SYNPR: variants seen among roughly 807,000 people sequenced by gnomAD.
SYNPR encodes synaptoporin.
A neutral mutation model predicts 32.9 loss-of-function variants in SYNPR; 23 were observed. The observed-to-expected ratio is 0.70, with a 90% CI of 0.50 to 0.99. The LOEUF (loss-of-function observed/expected upper bound fraction) is 0.99, where lower values mean the gene tolerates loss of function less well. SYNPR is among the 50% of genes least tolerant of loss of function. The pLI, the probability that SYNPR is intolerant of heterozygous loss-of-function variation, is 0.00. For synonymous variants in SYNPR, 146 were observed against 135.9 expected (o/e 1.07, Z -0.52); for missense variants, 318 against 349.3 (o/e 0.91, Z 0.71).
At chr3:63,249,433 T>C (rs1429890834) in intron 1 of SYNPR, among the ~76,000 whole-genome samples, 1 of 152,162 alleles carries the variant, frequency 6.6e-6, no homozygotes, top group East Asian at 1.9e-4. Context: ...CTAGGATTTT[T>C]ATTGTCTATA....
At chr3:63,572,535 C>T (rs2106848676) in intron 4 of SYNPR, among the ~76,000 whole-genome samples, 1 of 152,258 alleles carries the variant, frequency 6.6e-6, no homozygotes, top group Admixed American at 6.5e-5. Context: ...AATACTTTCC[C>T]TTCCCAAAGC....
chr3:63,414,498 T>C (rs1274958959), intron 2 of SYNPR, among the ~76,000 whole-genome samples: 1 of 152,232 alleles, frequency 6.6e-6, no homozygotes, highest in Non-Finnish European at 1.5e-5. Context: ...ATGTCAACAA[T>C]GCTGCAACAA....
chr3:63,589,244 G>A (rs182961027), intron 4 of SYNPR, among the ~76,000 whole-genome samples: 172 of 152,112 alleles, frequency 1.1e-3, no homozygotes, highest in African/African-American at 3.8e-3. Context: ...GTCTCCCTAG[G>A]CTGTTCAGTA....
At position 63,366,703 on chromosome 3, in the gene SYNPR, T is replaced by C. The variant is rs925245216; in HGVS notation, c.84+87961T>C. On this transcript the variant is annotated intron_variant, in intron 2 of 5. Coordinates refer to ENST00000478300, the MANE Select transcript of SYNPR (RefSeq NM_001130003.2). ...ATCAAAGAGTTACAATGAGTAGTCC[T>C]GAGTAAGAGTCATAGTGCCATTTCT... Among the ~76,000 whole-genome samples the C allele has an allele frequency of 2.0e-5, 3 of 152,196 alleles. No homozygotes were observed. The East Asian group carries it at 5.8e-4, about 29-fold the overall frequency.
intron 2 of SYNPR, among the ~76,000 whole-genome samples, chr3:63,257,869 G>A (rs2086400876): frequency 6.6e-6 from 1 of 152,164 alleles, no homozygotes; most frequent in African/African-American, 2.4e-5. Context: ...AAGGGATGGA[G>A]GAAGATCTAC....
At chr3:63,543,631 C>A (rs1702346109) in intron 3 of SYNPR, among the ~76,000 whole-genome samples, 1 of 152,030 alleles carries the variant, frequency 6.6e-6, no homozygotes, top group South Asian at 2.1e-4. Context: ...GTGTCATTGA[C>A]CTCATTAAAA....
upstream of SYNPR, among the ~76,000 whole-genome samples, chr3:63,276,202 A>G (rs1438912434): frequency 6.6e-6 from 1 of 152,180 alleles, no homozygotes; most frequent in Non-Finnish European, 1.5e-5. Context: ...CTGCCCAGAA[A>G]TGCACACATT....
chr3:63,501,652 G>A (rs897650794), intron 3 of SYNPR, among the ~76,000 whole-genome samples: 9 of 152,020 alleles, frequency 5.9e-5, no homozygotes, highest in South Asian at 2.1e-4. Context: ...TGTTATCTCC[G>A]TGTCTACTAT....
At chr3:63,474,944 A>G (rs972663168) in intron 2 of SYNPR, among the ~76,000 whole-genome samples, 1 of 152,146 alleles carries the variant, frequency 6.6e-6, no homozygotes, top group Non-Finnish European at 1.5e-5. Flanking sequence ...TATTGCATTT[A>G]ACTATGACTT....
intron 2 of SYNPR, among the ~76,000 whole-genome samples, chr3:63,430,076 A>T (rs770818377): frequency 6.6e-6 from 1 of 152,214 alleles, no homozygotes. Context: ...GCCTGTATCA[A>T]AACATAGACA....
At chr3:63,303,581 T>C (rs11130921) in intron 2 of SYNPR, among the ~76,000 whole-genome samples, 112,840 of 151,902 alleles carry the variant, frequency 0.74, 43,128 homozygotes, top group Non-Finnish European at 0.83. Context: ...AGTTTCAGCT[T>C]AACCTGTAAT....
At chr3:63,380,850 C>T (rs2087959225) in intron 2 of SYNPR, among the ~76,000 whole-genome samples, 1 of 152,196 alleles carries the variant, frequency 6.6e-6, no homozygotes, top group Admixed American at 6.5e-5. Flanking sequence ...CAAAATTCAA[C>T]AGCCCTTCAT....
At chr3:63,284,019 A>C (rs1560178654) in intron 2 of SYNPR, among the ~76,000 whole-genome samples, 1 of 152,016 alleles carries the variant, frequency 6.6e-6, no homozygotes, top group Non-Finnish European at 1.5e-5. Context: ...CGTGTTAGCC[A>C]GGATGGTCTC....
chr3:63,468,015 C>T (rs1700717520), intron 2 of SYNPR, among the ~76,000 whole-genome samples: 1 of 151,872 alleles, frequency 6.6e-6, no homozygotes, highest in African/African-American at 2.4e-5. Context: ...CCCTGACCAA[C>T]ATGGAGAAAC....
intron 2 of SYNPR, among the ~76,000 whole-genome samples, chr3:63,374,610 T>A (rs144989989): frequency 1.2e-4 from 19 of 152,312 alleles, no homozygotes; most frequent in Non-Finnish European, 2.4e-4. Flanking sequence ...AGAATTTAAA[T>A]AATCCAAATT....
At chr3:63,608,291 T>G (rs1700152213) in intron 4 of SYNPR, among the ~76,000 whole-genome samples, 1 of 152,144 alleles carries the variant, frequency 6.6e-6, no homozygotes, top group Non-Finnish European at 1.5e-5. Context: ...AAAAGCTTCT[T>G]TCCCCTGCGA....
At chr3:63,380,755 A>G (rs1012304828) in intron 2 of SYNPR, among the ~76,000 whole-genome samples, 5 of 152,204 alleles carry the variant, frequency 3.3e-5, no homozygotes, top group African/African-American at 1.2e-4. Context: ...AACATATGCA[A>G]ATCAATAAAC....
intron 2 of SYNPR, among the ~76,000 whole-genome samples, chr3:63,416,797 G>A (rs1029996709): frequency 6.6e-6 from 1 of 152,046 alleles, no homozygotes; most frequent in African/African-American, 2.4e-5. Flanking sequence ...AAAACCATCA[G>A]ATCTCATGAG....
intron 1 of SYNPR, among the ~76,000 whole-genome samples, chr3:63,231,913 CA>C (rs2086169328): frequency 6.6e-6 from 1 of 152,170 alleles, no homozygotes; most frequent in African/African-American, 2.4e-5. Flanking sequence ...CTTATTTTAA[CA>C]AGATCAGTGA....
Sources: gnomAD v4.1 joint callset for allele counts (sites outside exome capture counted in the v4.1 genomes callset) on GRCh38, gnomAD v4.1.1 for gene constraint, MANE v1.5 for transcripts, NCBI Gene and HGNC (gene_info 2026-07-23, HGNC 2026-07-21) for gene names.